The following PRR16 variants were observed in gnomAD, a reference collection of about 807,000 sequenced individuals.
The protein encoded by PRR16 is protein Largen.
A neutral mutation model predicts 18.2 loss-of-function variants in PRR16; 6 were observed. The observed-to-expected ratio is 0.33, with a 90% CI of 0.18 to 0.65. The LOEUF (loss-of-function observed/expected upper bound fraction) is 0.65, where lower values mean the gene tolerates loss of function less well. PRR16 is among the 30% of genes least tolerant of loss of function. The pLI is 0.74. For missense variants in PRR16, 412 were observed against 376.6 expected (o/e 1.09, Z -0.78); for synonymous variants, 151 against 147.8 (o/e 1.02, Z -0.16).
At chr5:120,736,330 T>G in the PRR16 span, among the ~76,000 whole-genome samples, 6 of 152,150 alleles carry the variant, frequency 3.9e-5, no homozygotes, top group Admixed American at 1.3e-4. Flanking sequence ...AGTGGTGCAA[T>G]CTCGGCTCAC....
chr5:120,525,258 C>G (rs1247290559), intron 1 of PRR16, among the ~76,000 whole-genome samples: 3 of 152,064 alleles, frequency 2.0e-5, no homozygotes, highest in Non-Finnish European at 4.4e-5. Flanking sequence ...TCACCAGACT[C>G]TTTTCAAATT....
chr5:120,791,634 T>TCCATC, the PRR16 span, among the ~76,000 whole-genome samples: 4 of 143,060 alleles, frequency 2.8e-5, no homozygotes, highest in South Asian at 2.2e-4. Flanking sequence ...CATCCATCTA[T>TCCATC]CATCTATCTA....
chr5:120,604,969 TG>T (rs1190040102), intron 1 of PRR16, among the ~76,000 whole-genome samples: 2 of 152,178 alleles, frequency 1.3e-5, no homozygotes, highest in African/African-American at 2.4e-5. Context: ...TTAAGATTTT[TG>T]TTGTTGTTGT....
chr5:120,485,750 C>G (rs189276481), intron 1 of PRR16, among the ~76,000 whole-genome samples: 2 of 152,218 alleles, frequency 1.3e-5, no homozygotes, highest in African/African-American at 4.8e-5. Flanking sequence ...CTGCACCCAT[C>G]AACCCGTCAT....
intron 1 of PRR16, among the ~76,000 whole-genome samples, chr5:120,649,869 A>G (rs1422404546): frequency 6.6e-6 from 1 of 151,996 alleles, no homozygotes; most frequent in Non-Finnish European, 1.5e-5. Context: ...ACTTATATTA[A>G]TCTTCTATGA....
chr5:120,756,262 T>C, the PRR16 span, among the ~76,000 whole-genome samples: 1 of 152,002 alleles, frequency 6.6e-6, no homozygotes, highest in South Asian at 2.1e-4. Context: ...GCAAAGGGAG[T>C]ACCCTCTGAT....
the PRR16 span, among the ~76,000 whole-genome samples, chr5:120,699,178 T>A: frequency 1.3e-5 from 2 of 150,964 alleles, no homozygotes; most frequent in Non-Finnish European, 3.0e-5. Context: ...CCCTGAGGAG[T>A]AGTAGAATAG....
intron 1 of PRR16, among the ~76,000 whole-genome samples, chr5:120,650,345 T>C (rs1434383811): frequency 6.6e-6 from 1 of 151,950 alleles, no homozygotes; most frequent in Non-Finnish European, 1.5e-5. Context: ...TTTTTTATTA[T>C]ACTTTAAGTT....
chr5:120,635,625 A>G (rs1250146866), intron 1 of PRR16, among the ~76,000 whole-genome samples: 2 of 152,190 alleles, frequency 1.3e-5, no homozygotes, highest in Non-Finnish European at 2.9e-5. Context: ...ACCTTAAGGT[A>G]GTAAAAACCA....
intron 1 of PRR16, among the ~76,000 whole-genome samples, chr5:120,475,959 A>G (rs17146662): frequency 0.19 from 28,280 of 152,078 alleles, 2,802 homozygotes; most frequent in African/African-American, 0.25. Flanking sequence ...CAACAAGAGC[A>G]TAAAATCATT....
chr5:120,483,121 GGAGC>G (rs1749676801), intron 1 of PRR16, among the ~76,000 whole-genome samples: 1 of 152,132 alleles, frequency 6.6e-6, no homozygotes, highest in Non-Finnish European at 1.5e-5. Context: ...AAGTTGGCGA[GGAGC>G]TCTACTCCAA....
the PRR16 span, among the ~76,000 whole-genome samples, chr5:120,764,201 T>C: frequency 3.8e-4 from 58 of 152,154 alleles, no homozygotes; most frequent in Non-Finnish European, 1.5e-5. Flanking sequence ...GGGTGTATCA[T>C]ACATGGCCTT....
intron 1 of PRR16, among the ~76,000 whole-genome samples, chr5:120,639,033 T>C (rs2112853323): frequency 6.6e-6 from 1 of 152,244 alleles, no homozygotes; most frequent in Admixed American, 6.6e-5. Context: ...ACAATATATT[T>C]TATTTCAAAC....
At chr5:120,771,145 G>T in the PRR16 span, among the ~76,000 whole-genome samples, 2 of 151,916 alleles carry the variant, frequency 1.3e-5, no homozygotes, top group East Asian at 1.9e-4. Flanking sequence ...ATAAACCAAT[G>T]GACAGAAATC....
the PRR16 span, among the ~76,000 whole-genome samples, chr5:120,732,771 A>T: frequency 6.6e-6 from 1 of 152,208 alleles, no homozygotes; most frequent in Non-Finnish European, 1.5e-5. Flanking sequence ...TTCTGTTTGC[A>T]ATCTAGACCA....
intron 1 of PRR16, among the ~76,000 whole-genome samples, chr5:120,496,881 C>G (rs73264177): frequency 0.013 from 2,000 of 152,198 alleles, 16 homozygotes; most frequent in Middle Eastern, 0.11. Flanking sequence ...CTGTTCTCCA[C>G]ATATAGTGAC....
chr5:120,785,987 AG>A, the PRR16 span, among the ~76,000 whole-genome samples: 2 of 151,312 alleles, frequency 1.3e-5, no homozygotes, highest in African/African-American at 2.4e-5. Flanking sequence ...TAAAAAAAAA[AG>A]ATTTTAAAAA....
At chr5:120,525,514 A>G (rs1195586306) in intron 1 of PRR16, among the ~76,000 whole-genome samples, 2 of 151,940 alleles carry the variant, frequency 1.3e-5, no homozygotes, top group Non-Finnish European at 2.9e-5. Flanking sequence ...TAGAAGTTTT[A>G]TATAATACTG....
chr5:120,507,555 GAT>G, intron 1 of PRR16, among the ~76,000 whole-genome samples: 1 of 152,116 alleles, frequency 6.6e-6, no homozygotes, highest in East Asian at 1.9e-4. Context: ...AGGAGAGAAC[GAT>G]GACAAAATGT....
Sources: allele counts gnomAD v4.1 joint callset (sites outside exome capture counted in the v4.1 genomes callset), GRCh38; gene constraint gnomAD v4.1.1; transcripts MANE v1.5; gene names NCBI Gene and HGNC (gene_info 2026-07-23, HGNC 2026-07-21).